KLF12: variants seen among roughly 807,000 people sequenced by gnomAD.
The protein encoded by KLF12 is Krueppel-like factor 12.
KLF12 carries 9 observed loss-of-function variants against 37.8 expected under a neutral mutation model. The observed-to-expected ratio is 0.24, with a 90% CI of 0.14 to 0.42. The LOEUF is 0.42. Among genes scored for constraint, KLF12 ranks in the 10% least tolerant of loss-of-function variants. The probability of loss-of-function intolerance (pLI) is 1.00; values close to 1 mark genes in which losing one functional copy is unlikely to be tolerated. For missense variants in KLF12, 411 were observed against 516.0 expected, an observed-to-expected ratio of 0.80 and a Z score of 1.97; for synonymous variants, 208 against 202.1, an observed-to-expected ratio of 1.03 and a Z score of -0.25.
At chr13:73,866,601 T>C (rs1393024698) in intron 3 of KLF12, among the ~76,000 whole-genome samples, 1 of 152,096 alleles carries the variant, frequency 6.6e-6, no homozygotes, top group African/African-American at 2.4e-5. Context: ...AATTGACAAC[T>C]TTGATACTTT....
intron 5 of KLF12, among the ~76,000 whole-genome samples, chr13:73,767,924 G>A (rs562621253): frequency 6.6e-6 from 1 of 152,290 alleles, no homozygotes; most frequent in South Asian, 2.1e-4. Context: ...GGTGACTGGA[G>A]GTGGGATGCA....
the KLF12 span, among the ~76,000 whole-genome samples, chr13:74,205,689 A>G: frequency 2.0e-5 from 3 of 152,138 alleles, no homozygotes. Context: ...CTGTCTTTAT[A>G]TTATTTAAAA....
chr13:73,783,371 A>C (rs368187808), intron 5 of KLF12, among the ~76,000 whole-genome samples: 191 of 152,264 alleles, frequency 1.3e-3, no homozygotes, highest in Non-Finnish European at 2.4e-3. Flanking sequence ...TAATGGGTAC[A>C]AACAAACATA....
the KLF12 span, among the ~76,000 whole-genome samples, chr13:74,277,438 T>C: frequency 6.6e-6 from 1 of 152,200 alleles, no homozygotes; most frequent in Non-Finnish European, 1.5e-5. Context: ...CGGTATTCCC[T>C]TCTGTATTAT....
At chr13:73,697,071 T>C (rs531656088) in intron 7 of KLF12, among the ~76,000 whole-genome samples, 4 of 143,124 alleles carry the variant, frequency 2.8e-5, no homozygotes, top group African/African-American at 7.8e-5. Flanking sequence ...AGTACTTGAA[T>C]GTATTAATAC....
At chr13:74,198,450 C>G in the KLF12 span, among the ~76,000 whole-genome samples, 1 of 152,118 alleles carries the variant, frequency 6.6e-6, no homozygotes, top group East Asian at 1.9e-4. Context: ...CTGCTCTAAG[C>G]GTGGTCCTGA....
In KLF12 at chr13:73,995,011, A is replaced by G; in HGVS notation, c.12T>C (p.His4=). Reference sequence around the variant, plus strand: ...CAACCTTTATTGTTTTTCTCTTCATATGGATATTCATTCATCCATTTGTTC... The same window carrying G: ...CAACCTTTATTGTTTTTCTCTTCATGTGGATATTCATTCATCCATTTGTTC... The change falls in exon 2 of 8, where the codon CAT becomes CAC. Residue 4 remains histidine (H), a synonymous_variant. Transcript: ENST00000377669. 1.9e-6 allele frequency: 3 copies of G among 1,605,748 alleles called. No homozygotes were observed. The highest frequency in any genetic ancestry group is 1.7e-6 in the Non-Finnish European group (2 of 1,173,960).
At chr13:73,723,206 C>CA (rs1456068662) in intron 6 of KLF12, among the ~76,000 whole-genome samples, 4 of 151,980 alleles carry the variant, frequency 2.6e-5, no homozygotes, top group Non-Finnish European at 5.9e-5. Context: ...TGTTGGCTAA[C>CA]AAAAAAATGC....
intron 1 of KLF12, among the ~76,000 whole-genome samples, chr13:74,133,650 A>G (rs1228856802): frequency 2.0e-5 from 3 of 149,616 alleles, no homozygotes; most frequent in African/African-American, 2.5e-5. Flanking sequence ...AAACACGTTA[A>G]GAGAATACGG....
At chr13:73,842,728 G>T (rs1013665909) in intron 4 of KLF12, among the ~76,000 whole-genome samples, 1 of 152,094 alleles carries the variant, frequency 6.6e-6, no homozygotes, top group African/African-American at 2.4e-5. Context: ...CTTCCCTATC[G>T]TATTTTCCTT....
chr13:74,155,399 T>C, the KLF12 span, among the ~76,000 whole-genome samples: 1 of 151,944 alleles, frequency 6.6e-6, no homozygotes, highest in Non-Finnish European at 1.5e-5. Context: ...TTTGTTCTTG[T>C]TGCCCAGGCC....
At chr13:73,812,698 C>T (rs1278080902) in intron 5 of KLF12, among the ~76,000 whole-genome samples, 1 of 152,012 alleles carries the variant, frequency 6.6e-6, no homozygotes, top group Non-Finnish European at 1.5e-5. Flanking sequence ...TTAAAAATAA[C>T]ATATGAGTAC....
intron 3 of KLF12, among the ~76,000 whole-genome samples, chr13:73,855,457 C>T (rs747101643): frequency 2.0e-4 from 30 of 152,144 alleles, no homozygotes; most frequent in Non-Finnish European, 3.7e-4. Context: ...TAGTATTCCA[C>T]GGTGTATATG....
At chr13:73,880,304 C>A (rs1886914924) in intron 3 of KLF12, among the ~76,000 whole-genome samples, 2 of 152,170 alleles carry the variant, frequency 1.3e-5, no homozygotes, top group South Asian at 4.1e-4. Flanking sequence ...AAACACCAAA[C>A]TGTTCAGCTT....
rs558860306 is a variant in KLF12, at chr13:73,954,420, T to C, written c.34-10350A>G. ...TGGTATTGGTTTCTAGTGGAATGTA[T>C]GTTTCCAAAAAAAAGTGAGGCAGAA... On this transcript the variant is annotated intron_variant, in intron 2 of 7. Coordinates refer to ENST00000377669, the MANE Select transcript of KLF12 (RefSeq NM_007249.5). Among the ~76,000 whole-genome samples, 24 of 151,492 alleles carry C rather than the reference T, an allele frequency of 1.6e-4. 2 individuals carry two copies. The highest frequency in any genetic ancestry group is 1.1e-3 in the Admixed American group (17 of 15,288).
the KLF12 span, among the ~76,000 whole-genome samples, chr13:74,216,984 T>C: frequency 1.1e-4 from 17 of 152,246 alleles, no homozygotes; most frequent in Non-Finnish European, 1.9e-4. Context: ...CACATATTTC[T>C]TCCATATCCC....
At chr13:74,142,685 A>C in the KLF12 span, among the ~76,000 whole-genome samples, 2 of 152,188 alleles carry the variant, frequency 1.3e-5, 1 homozygote, top group South Asian at 4.1e-4. Flanking sequence ...AGTAACTTCC[A>C]AAAGGCCTAG....
chr13:73,961,046 A>T (rs1566483532), intron 2 of KLF12, among the ~76,000 whole-genome samples: 1 of 152,090 alleles, frequency 6.6e-6, no homozygotes, highest in Non-Finnish European at 1.5e-5. Flanking sequence ...CTGTCTGGGG[A>T]AAGTACACAA....
chr13:73,760,825 G>C (rs1006528694), intron 6 of KLF12, among the ~76,000 whole-genome samples: 8 of 152,122 alleles, frequency 5.3e-5, no homozygotes, highest in African/African-American at 1.9e-4. Flanking sequence ...GAGCAGGATA[G>C]AGCAAGAAGT....
Sources: allele counts gnomAD v4.1 joint callset (sites outside exome capture counted in the v4.1 genomes callset), GRCh38; gene constraint gnomAD v4.1.1; transcripts MANE v1.5; gene names NCBI Gene and HGNC (gene_info 2026-07-23, HGNC 2026-07-21).